ADH1C: variants seen among roughly 807,000 people sequenced by gnomAD.
ADH1C encodes the protein alcohol dehydrogenase 1C.
In ADH1C, 26 loss-of-function variants were observed where a neutral mutation model predicts 35.0. The ratio of observed to expected loss-of-function variants is 0.74; its 90% CI spans 0.54 to 1.03. ADH1C has a LOEUF of 1.03. ADH1C is among the 50% of genes least tolerant of loss of function. The probability of loss-of-function intolerance (pLI) is 0.00; values close to 1 mark genes in which losing one functional copy is unlikely to be tolerated. For synonymous variants in ADH1C, 170 were observed against 169.3 expected (o/e 1.00, Z -0.03); for missense variants, 413 against 465.4 (o/e 0.89, Z 1.04).
rs748517793 is a variant in ADH1C, at chr4:99,345,203, T to C, written c.323A>G (p.Glu108Gly). 1 of 1,614,094 alleles carries C rather than the reference T, an allele frequency of 6.2e-7. No homozygotes were observed. The highest frequency in any genetic ancestry group is 1.1e-5 in the South Asian group (1 of 91,060). ...CGKCRICKNPESNYCLKNDLG... is the reference protein window; with the variant it reads ...CGKCRICKNPGSNYCLKNDLG... Reference sequence around the variant, plus strand: ...CTCATTTTTCAAGCAGTAGTTGCTTTCTGGGTTTTTACAAATTCTGCATTT... The same window carrying C: ...CTCATTTTTCAAGCAGTAGTTGCTTCCTGGGTTTTTACAAATTCTGCATTT... Residue 108 changes from glutamate (E) to glycine (G), a missense_variant, in exon 4 of 9, where the codon GAA (glutamate) becomes GGA (glycine). Coordinates refer to ENST00000515683, the MANE Select transcript of ADH1C (RefSeq NM_000669.5).
At chr4:99,336,886 T>C (rs939659948) in intron 8 of ADH1C, 110 bp from the exon 9 acceptor site, 1 of 1,474,734 alleles carries the variant, frequency 6.8e-7, no homozygotes. Context: ...CTCTGTGTTC[T>C]CAGCCACTCC....
chr4:99,336,840 G>C (rs1289049082), intron 8 of ADH1C, 64 bp from the exon 9 acceptor site: 1 of 1,600,666 alleles, frequency 6.2e-7, no homozygotes, highest in Admixed American at 1.7e-5. Context: ...CCATGTGATA[G>C]TCCAAGGAGT....
chr4:99,348,917 A>C (rs1279783264), intron 1 of ADH1C, among the ~76,000 whole-genome samples: 1 of 149,966 alleles, frequency 6.7e-6, no homozygotes, highest in Non-Finnish European at 1.5e-5. Flanking sequence ...TGGCTGCATA[A>C]ATGTCTTCTT....
At chr4:99,338,440 T>C (rs1353784358) in intron 8 of ADH1C, among the ~76,000 whole-genome samples, 1 of 58,968 alleles carries the variant, frequency 1.7e-5, no homozygotes, top group African/African-American at 6.9e-5. Context: ...TATATATATA[T>C]ATATACACAC....
intron 5 of ADH1C, 29 bp downstream of exon 5, chr4:99,344,833 C>G (rs370819059): frequency 6.2e-7 from 1 of 1,613,756 alleles, no homozygotes; most frequent in Non-Finnish European, 8.5e-7. Context: ...CTGCGTGTAA[C>G]CGGTTTTATC....
At chr4:99,342,376 C>G (rs1400442237) in intron 6 of ADH1C, among the ~76,000 whole-genome samples, 1 of 151,956 alleles carries the variant, frequency 6.6e-6, no homozygotes, top group African/African-American at 2.4e-5. Flanking sequence ...CCGAAGAATA[C>G]TATGTCAAAA....
At chr4:99,348,372 C>T (rs183466757) in intron 1 of ADH1C, among the ~76,000 whole-genome samples, 11,893 of 149,926 alleles carry the variant, frequency 0.079, 557 homozygotes, top group South Asian at 0.1. Flanking sequence ...TGAGAATATG[C>T]GGTGTTTGGT....
intron 3 of ADH1C, among the ~76,000 whole-genome samples, chr4:99,345,678 G>A (rs1199157869): frequency 1.3e-5 from 2 of 152,198 alleles, no homozygotes; most frequent in Non-Finnish European, 2.9e-5. Flanking sequence ...CCTAGTAGAT[G>A]TTGGGAAGAT....
At chr4:99,349,320 G>A (rs1734617448) in intron 1 of ADH1C, among the ~76,000 whole-genome samples, 1 of 151,442 alleles carries the variant, frequency 6.6e-6, no homozygotes, top group African/African-American at 2.4e-5. Flanking sequence ...TGTAAGGAAG[G>A]GATCCAGTTT....
rs187648953 is a variant in ADH1C at position 99,342,882 on chromosome 4, G to A, written c.741C>T (p.Tyr247=). ...GATECINPQD[Y]KKPIQEVLKE... Reference sequence around the variant, plus strand: ...TTAGCACTTCCTGAATGGGTTTCTTGTAGTCTTGAGGGTTGATGCATTCAG... The same window carrying A: ...TTAGCACTTCCTGAATGGGTTTCTTATAGTCTTGAGGGTTGATGCATTCAG... Residue 247 remains tyrosine (Y), a synonymous_variant, in exon 6 of 9, where the codon TAC becomes TAT. Transcript: ENST00000515683. 6.2e-7 allele frequency: 1 copy of A among 1,613,962 alleles called. No homozygotes were observed. The highest frequency in any genetic ancestry group is 8.5e-7 in the Non-Finnish European group (1 of 1,179,958).
chr4:99,347,048 T>A lies in ADH1C; in HGVS notation c.217A>T (p.Ile73Phe). ...ACCCCTTCTCCAACACTTTCCACGA[T>A]GCCGGCTGCCTCATGGCCTAAAATC... ...PVILGHEAAG[I>F]VESVGEGVTT... Residue 73 changes from isoleucine (I) to phenylalanine (F), a missense_variant, in exon 3 of 9, where the codon ATC becomes TTC. Physicochemically the swap from Ile to Phe is conservative, Grantham distance 21 (BLOSUM62 0). Coordinates refer to ENST00000515683, the MANE Select transcript of ADH1C (RefSeq NM_000669.5). 6.2e-7 allele frequency: 1 copy of A among 1,614,056 alleles called. No individual in the cohort carries two copies. Among genetic ancestry groups the A allele is most frequent in the Non-Finnish European group, 8.5e-7 (1 of 1,179,964 alleles).
At chr4:99,343,886 G>A (rs1267692039) in intron 5 of ADH1C, among the ~76,000 whole-genome samples, 1 of 152,098 alleles carries the variant, frequency 6.6e-6, no homozygotes, top group East Asian at 1.9e-4. Flanking sequence ...CCTTCGTTTT[G>A]GGTAACATGC....
chr4:99,339,853 G>T (rs1205001293), intron 7 of ADH1C, 138 bp from the exon 8 acceptor site: 1 of 795,192 alleles, frequency 1.3e-6, no homozygotes, highest in Non-Finnish European at 2.0e-6. Context: ...AAGAGATAGA[G>T]TACTTCAATA....
At chr4:99,339,549 C>T in intron 8 of ADH1C, 28 bp downstream of exon 8, 3 of 1,332,208 alleles carry the variant, frequency 2.3e-6, no homozygotes, top group Non-Finnish European at 3.0e-6. Flanking sequence ...GAATACAAAG[C>T]AAAACAAAAA....
rs55913950 is a variant in ADH1C, at chr4:99,339,521, C to G, written c.1103+56G>C. ...TTCTCTGCTAGACAACGCCCCCCCC[C>G]CCCCCGCCGCTACTGTAGAATACAA... On this transcript the variant is annotated intron_variant, in intron 8 of 8. Transcript: ENST00000515683. 3.6e-4 allele frequency: 412 copies of G among 1,156,860 alleles called. 7 individuals carry two copies. Among genetic ancestry groups the G allele is most frequent in the African/African-American group, 2.9e-3 (148 of 50,754 alleles). 71.7% of individuals were successfully genotyped at this position (1,156,860 alleles called of 1,614,324 possible). A position where few individuals can be genotyped will look rare whatever the true frequency, so the allele number is the denominator to read the frequency against.
intron 5 of ADH1C, among the ~76,000 whole-genome samples, chr4:99,343,670 C>A (rs1734465184): frequency 6.6e-6 from 1 of 152,148 alleles, no homozygotes; most frequent in African/African-American, 2.4e-5. Flanking sequence ...AAACATTAGT[C>A]TATATTTTAA....
intron 6 of ADH1C, among the ~76,000 whole-genome samples, chr4:99,342,023 AAAAT>A (rs1290950516): frequency 2.8e-5 from 4 of 142,474 alleles, no homozygotes; most frequent in Admixed American, 7.0e-5. Flanking sequence ...AAAAAAAAAA[AAAAT>A]AAATAAATAA....
At chr4:99,342,406 G>A (rs1413571991) in intron 6 of ADH1C, among the ~76,000 whole-genome samples, 1 of 152,066 alleles carries the variant, frequency 6.6e-6, no homozygotes, top group Non-Finnish European at 1.5e-5. Flanking sequence ...TTCGTTAAGA[G>A]CATACATAAA....
rs960223719 is a variant in ADH1C, at chr4:99,348,137, T to A, written c.19-291A>T. On this transcript the variant is annotated intron_variant, in intron 1 of 8. Coordinates refer to ENST00000515683, the MANE Select transcript of ADH1C (RefSeq NM_000669.5). ...ATTTTATTTTTTTTGAATGTTTTTT[T>A]AATTATACTTTAAGTTTTAGGGTAC... Among the ~76,000 whole-genome samples the A allele has an allele frequency of 5.9e-5, 9 of 152,304 alleles. No individual in the cohort carries two copies. In the East Asian group the frequency reaches 9.6e-4, roughly 16 times the overall value.
Sources: gnomAD v4.1 joint callset for allele counts (sites outside exome capture counted in the v4.1 genomes callset) on GRCh38, gnomAD v4.1.1 for gene constraint, MANE v1.5 for transcripts, NCBI Gene and HGNC (gene_info 2026-07-23, HGNC 2026-07-21) for gene names.